RHBG: variants seen among roughly 807,000 people sequenced by gnomAD.
The protein encoded by RHBG is ammonium transporter Rh type B.
Under a neutral mutation model 40.1 loss-of-function variants are expected in RHBG, and 39 were observed. That is an observed-to-expected ratio of 0.97 (90% CI 0.75 to 1.27). The LOEUF is 1.27. RHBG is among the 50% of genes most tolerant of loss of function. RHBG has a pLI of 0.00. For missense variants in RHBG, 549 were observed against 588.1 expected, an observed-to-expected ratio of 0.93 and a Z score of 0.69; for synonymous variants, 237 against 252.5, an observed-to-expected ratio of 0.94 and a Z score of 0.58.
chr1:156,369,535 TG>T, intron 1 of RHBG, 99 bp downstream of exon 1: 1 of 1,289,750 alleles, frequency 7.8e-7, no homozygotes, highest in Non-Finnish European at 1.1e-6. Context: ...CGCATTTAGC[TG>T]GGCAGCCGTC....
In RHBG at chr1:156,385,015, G is replaced by T. The variant is rs1238231267; in HGVS notation, c.*170G>T. On this transcript the variant is annotated 3_prime_UTR_variant, in exon 10 of 10. Transcript: ENST00000537040. ...TCCACAGGGAGAGGGGCAACAGGAG[G>T]CTGGGAAATGGTGGGGAGTGGGGCC... 3.5e-6 allele frequency: 2 copies of T among 573,230 alleles called. No homozygotes were observed. The highest frequency in any genetic ancestry group is 2.8e-5 in the East Asian group (1 of 35,162). 35.5% of individuals were successfully genotyped at this position (573,230 alleles called of 1,614,324 possible).
At chr1:156,373,536 T>G (rs759047129) in intron 1 of RHBG, among the ~76,000 whole-genome samples, 1 of 152,152 alleles carries the variant, frequency 6.6e-6, no homozygotes, top group Non-Finnish European at 1.5e-5. Flanking sequence ...TTGCCTTATT[T>G]CTTCCTCCAC....
chr1:156,380,112 C>CTTTTTTTTTTTT (rs67037881), intron 4 of RHBG, among the ~76,000 whole-genome samples: 1 of 130,132 alleles, frequency 7.7e-6, no homozygotes, highest in Non-Finnish European at 1.6e-5. Flanking sequence ...CTTTCTTTTT[C>CTTTTTTTTTTTT]TTTTTTTTTT....
intron 1 of RHBG, chr1:156,374,587 AT>A (rs34071665): frequency 0.34 from 127,001 of 374,794 alleles, 10,708 homozygotes; most frequent in East Asian, 0.44. Flanking sequence ...ACAGGATTCC[AT>A]TTTTTTTTTT....
At position 156,369,276 on chromosome 1, in the gene RHBG, G is replaced by A. The variant is rs1666677549; in HGVS notation, c.27G>A (p.Ala9=). ...TGGCCGGGTCTCCTAGCCGCGCCGC[G>A]GGCCGGCGACTGCAGCTTCCCCTGC... MAGSPSRA[A]GRRLQLPLLC... The change falls in exon 1 of 10, where the codon GCG becomes GCA. Residue 9 remains alanine, a synonymous_variant. Transcript: ENST00000537040. 1 of 1,613,522 alleles carries A rather than the reference G, an allele frequency of 6.2e-7. No homozygotes were observed. Among genetic ancestry groups the A allele is most frequent in the African/African-American group, 1.3e-5 (1 of 74,928 alleles).
chr1:156,381,870 T>A lies in RHBG; in HGVS notation c.905T>A (p.Leu302Gln), dbSNP rs762238989. The A allele has an allele frequency of 6.2e-7, 1 of 1,602,102 alleles. No individual in the cohort carries two copies. Among genetic ancestry groups the A allele is most frequent in the South Asian group, 1.1e-5 (1 of 89,686 alleles). ...GTGGGGACCTCAAGTGAAATGATGC[T>A]GACACCCTTTGGGGCTCTGGCAGCT... The part of the protein sequence containing the change: ...VVVGTSSEMM[L>Q]TPFGALAAGF... Residue 302 changes from leucine to glutamine, a missense_variant, in exon 6 of 10, where the codon CTG becomes CAG. Physicochemically the swap from Leu to Gln is moderately radical, Grantham distance 113 (BLOSUM62 -2). Around this residue, in one of 3 missense-constraint regions of RHBG, gnomAD observed 399 missense variants for 417.0 expected, o/e 0.96. Coordinates refer to ENST00000537040, the MANE Select transcript of RHBG (RefSeq NM_020407.5).
chr1:156,379,188 G>T (rs975945551), intron 4 of RHBG, among the ~76,000 whole-genome samples: 2 of 151,808 alleles, frequency 1.3e-5, no homozygotes, highest in Admixed American at 1.3e-4. Context: ...TAGAGACAGG[G>T]TTTCACCATG....
intron 1 of RHBG, among the ~76,000 whole-genome samples, chr1:156,372,446 G>T (rs774808320): frequency 1.8e-4 from 28 of 152,152 alleles, no homozygotes; most frequent in Non-Finnish European, 3.2e-4. Context: ...CATGAGAAAG[G>T]GTTCTGAAAA....
rs199989435 is a variant in RHBG, at chr1:156,380,117, T to TC, written c.674-1230_674-1229insC. Among the ~76,000 whole-genome samples, 933 of 133,050 alleles carry TC rather than the reference T, an allele frequency of 7.0e-3. 7 individuals carry two copies. The highest frequency in any genetic ancestry group is 0.024 in the African/African-American group (883 of 36,578). The allele number at this position is 133,050 out of a possible 152,430, so 87.3% of individuals were successfully genotyped here. The stretch of plus-strand genomic sequence containing the variant: ...TTTTCCTTTCCTTTCTTTTTCTTTT[T>TC]TTTTTTTTTTTGAGATGGAGTCTTG... On this transcript the variant is annotated intron_variant, in intron 4 of 9. Transcript: ENST00000537040.
intron 1 of RHBG, among the ~76,000 whole-genome samples, chr1:156,375,354 T>A (rs1244906010): frequency 6.6e-6 from 1 of 151,926 alleles, no homozygotes; most frequent in African/African-American, 2.4e-5. Context: ...ATTACAGGCG[T>A]GAGCCACTGC....
At position 156,382,749 on chromosome 1, in the gene RHBG, C is replaced by G; in HGVS notation, c.1114C>G (p.Leu372Val). The G allele has an allele frequency of 6.2e-7, 1 of 1,614,142 alleles. No individual in the cohort carries two copies. The highest frequency in any genetic ancestry group is 8.5e-7 in the Non-Finnish European group (1 of 1,180,022). Residue 372 changes from leucine (L) to valine (V), a missense_variant and splice_region_variant, in exon 8 of 10, where the codon CTG becomes GTG. Around this residue, in one of 3 missense-constraint regions of RHBG, gnomAD observed 399 missense variants for 417.0 expected, o/e 0.96. Transcript: ENST00000537040. ...LATHEAYGDG[L>V]ESVFPLIAEG... ...TTCCTCTATCTGGTCTCCCTGCAGC[C>G]TGGAGAGTGTGTTTCCACTCATAGC...
At chr1:156,384,467 G>C in intron 8 of RHBG, 60 bp from the exon 9 acceptor site, 3 of 1,515,402 alleles carry the variant, frequency 2.0e-6, no homozygotes, top group Non-Finnish European at 2.8e-6. Context: ...GCACTGGGTG[G>C]CACCCTCCTC....
At chr1:156,369,534 C>G (rs1209952392) in intron 1 of RHBG, 98 bp downstream of exon 1, 1 of 1,300,942 alleles carries the variant, frequency 7.7e-7, no homozygotes, top group Non-Finnish European at 1.0e-6. Flanking sequence ...CCGCATTTAG[C>G]TGGGCAGCCG....
At chr1:156,370,920 C>G (rs1240800774) in intron 1 of RHBG, among the ~76,000 whole-genome samples, 1 of 147,954 alleles carries the variant, frequency 6.8e-6, no homozygotes, top group African/African-American at 2.5e-5. Flanking sequence ...GGGAATAGAG[C>G]CTCACCTTCA....
rs377565088 is a variant in RHBG at position 156,384,873 on chromosome 1, C to G, written c.*28C>G. The G allele has an allele frequency of 3.4e-6, 5 of 1,468,292 alleles. No individual in the cohort carries two copies. In the Admixed American group the frequency reaches 5.4e-5, roughly 16 times the overall value. 91.0% of individuals were successfully genotyped at this position (1,468,292 alleles called of 1,614,324 possible). On this transcript the variant is annotated 3_prime_UTR_variant, in exon 10 of 10. Transcript: ENST00000537040. ...CACTGCCAGCCCCTGAGAGGACACG[C>G]TCCTTTTCGAAGATGCTGACTGGCT...
chr1:156,377,023 A>G lies in RHBG; in HGVS notation c.188-278A>G, dbSNP rs1667249588. ...GGACTTCCAGCCAGTCTGTTGTAAGAGACCCAGGGATGGGGCAAATGAATA... is the reference window on the plus strand; with the variant it reads ...GGACTTCCAGCCAGTCTGTTGTAAGGGACCCAGGGATGGGGCAAATGAATA... On this transcript the variant is annotated intron_variant, in intron 1 of 9. Coordinates refer to ENST00000537040, the MANE Select transcript of RHBG (RefSeq NM_020407.5). This position sits in a 1 kb window ranked among gnomAD's most constrained non-coding sequence, Gnocchi z 4.6. 6.6e-6 allele frequency among the ~76,000 whole-genome samples: 1 copy of G among 152,198 alleles called. No homozygotes were observed. Among genetic ancestry groups the G allele is most frequent in the South Asian group, 2.1e-4 (1 of 4,836 alleles).
At chr1:156,384,627 C>T in intron 9 of RHBG, 27 bp downstream of exon 9, 7 of 1,559,242 alleles carry the variant, frequency 4.5e-6, no homozygotes, top group Non-Finnish European at 6.1e-6. Flanking sequence ...CTCTCACACC[C>T]TCTGAGTCTC....
intron 4 of RHBG, among the ~76,000 whole-genome samples, chr1:156,381,083 G>T (rs1228905514): frequency 1.3e-5 from 2 of 152,112 alleles, no homozygotes; most frequent in Non-Finnish European, 2.9e-5. Context: ...TGTATTTTTG[G>T]TAGAGATGGG....
chr1:156,376,210 A>G (rs548046306), intron 1 of RHBG, among the ~76,000 whole-genome samples: 1 of 152,296 alleles, frequency 6.6e-6, no homozygotes, highest in Admixed American at 6.5e-5. Flanking sequence ...AAAGAAACTA[A>G]AAAGTAAAAT....
Sources: allele counts gnomAD v4.1 joint callset (sites outside exome capture counted in the v4.1 genomes callset), GRCh38; gene constraint gnomAD v4.1.1; regional missense constraint gnomAD v4.1.1; non-coding constraint Gnocchi (gnomAD v3.1); transcripts MANE v1.5; gene names NCBI Gene and HGNC (gene_info 2026-07-23, HGNC 2026-07-21).